Variants in RERE observed in about 807,000 individuals in gnomAD.
RERE encodes arginine-glutamic acid dipeptide repeats protein.
In RERE, 40 loss-of-function variants were observed where a neutral mutation model predicts 146.1. The observed-to-expected ratio is 0.27, with a 90% CI of 0.21 to 0.36. The LOEUF is 0.36. Ranked by LOEUF, RERE falls within the 10% of genes least tolerant of loss-of-function variation. The pLI is 1.00. For synonymous variants in RERE, 1,003 were observed against 866.0 expected (o/e 1.16, Z -2.78); for missense variants, 1,933 against 2,138.7 (o/e 0.90, Z 1.90).
intron 1 of RERE, among the ~76,000 whole-genome samples, chr1:8,704,315 G>C (rs1639517161): frequency 6.6e-6 from 1 of 152,094 alleles, no homozygotes; most frequent in Non-Finnish European, 1.5e-5. Context: ...CATTGTATAG[G>C]AATTTTTTAA....
intron 12 of RERE, among the ~76,000 whole-genome samples, chr1:8,415,439 TA>T (rs1191530371): frequency 6.6e-6 from 1 of 152,202 alleles, no homozygotes; most frequent in Non-Finnish European, 1.5e-5. Flanking sequence ...AATAACACTT[TA>T]AAAGCCCCAA....
chr1:8,599,195 T>C (rs1481096792), intron 4 of RERE, among the ~76,000 whole-genome samples: 3 of 152,194 alleles, frequency 2.0e-5, no homozygotes, highest in Non-Finnish European at 4.4e-5. Context: ...TTTTGGTCAC[T>C]GAGGTTCACG....
intron 1 of RERE, among the ~76,000 whole-genome samples, chr1:8,744,333 G>A (rs1640376463): frequency 6.6e-6 from 1 of 152,160 alleles, no homozygotes; most frequent in African/African-American, 2.4e-5. Context: ...TCCATATGTG[G>A]GTAGTAACGA....
intron 11 of RERE, among the ~76,000 whole-genome samples, chr1:8,444,992 T>C (rs1644299584): frequency 6.6e-6 from 1 of 150,884 alleles, no homozygotes; most frequent in Non-Finnish European, 1.5e-5. Flanking sequence ...TTTAAAAGAG[T>C]GAGGGGACAA....
intron 12 of RERE, among the ~76,000 whole-genome samples, chr1:8,406,773 T>C (rs936717674): frequency 2.0e-5 from 3 of 149,548 alleles, no homozygotes; most frequent in African/African-American, 7.4e-5. Context: ...GTTGAGAATT[T>C]AGAATTCTCT....
At chr1:8,528,060 T>C (rs796926940) in intron 7 of RERE, among the ~76,000 whole-genome samples, 21 of 152,344 alleles carry the variant, frequency 1.4e-4, no homozygotes, top group African/African-American at 4.3e-4. Flanking sequence ...CCAACTCTCC[T>C]ATTTTGTACC....
intron 1 of RERE, among the ~76,000 whole-genome samples, chr1:8,810,523 T>G (rs1641785884): frequency 6.6e-6 from 1 of 152,102 alleles, no homozygotes; most frequent in Non-Finnish European, 1.5e-5. Context: ...GGAGGATCAT[T>G]TGAGCCCGAG....
intron 4 of RERE, among the ~76,000 whole-genome samples, chr1:8,602,482 T>C (rs905022923): frequency 1.4e-5 from 2 of 144,594 alleles, no homozygotes; most frequent in Non-Finnish European, 3.0e-5. Flanking sequence ...TTATAAGTTA[T>C]AGAAGCCCAT....
chr1:8,380,621 A>G, intron 12 of RERE: 1 of 354,128 alleles, frequency 2.8e-6, no homozygotes, highest in Non-Finnish European at 5.6e-6. Context: ...TGCTGGGATT[A>G]CAGGCGTGAG....
intron 10 of RERE, among the ~76,000 whole-genome samples, chr1:8,475,391 T>C (rs1350404808): frequency 1.5e-5 from 2 of 133,420 alleles, no homozygotes; most frequent in African/African-American, 5.7e-5. Context: ...AAAAAAAAAA[T>C]TCTTGGCTGG....
At chr1:8,456,634 T>C (rs1464275806) in intron 11 of RERE, among the ~76,000 whole-genome samples, 1 of 152,180 alleles carries the variant, frequency 6.6e-6, no homozygotes, top group Non-Finnish European at 1.5e-5. Flanking sequence ...AGGTACAAAA[T>C]AGGAGTGAAC....
chr1:8,555,769 A>G (rs1646000052), intron 6 of RERE, among the ~76,000 whole-genome samples: 1 of 152,224 alleles, frequency 6.6e-6, no homozygotes. Context: ...GAGACAGAAA[A>G]TACCCAAAGA....
intron 6 of RERE, among the ~76,000 whole-genome samples, chr1:8,554,901 C>T (rs561582399): frequency 4.1e-4 from 62 of 152,226 alleles, no homozygotes; most frequent in South Asian, 1.7e-3. Flanking sequence ...GATTAAGTCA[C>T]TGGTCCCAGG....
intron 1 of RERE, among the ~76,000 whole-genome samples, chr1:8,791,739 A>G (rs1271259868): frequency 6.6e-6 from 1 of 152,230 alleles, no homozygotes; most frequent in Non-Finnish European, 1.5e-5. Flanking sequence ...AACTAAACAC[A>G]TAGCTCCTGG....
intron 1 of RERE, among the ~76,000 whole-genome samples, chr1:8,742,473 C>T (rs1390920231): frequency 1.3e-5 from 2 of 152,084 alleles, no homozygotes; most frequent in African/African-American, 4.8e-5. Context: ...CACTCAATGG[C>T]CAAGGGAAAT....
chr1:8,528,795 G>A (rs1417871744), intron 7 of RERE, among the ~76,000 whole-genome samples: 1 of 152,116 alleles, frequency 6.6e-6, no homozygotes, highest in Non-Finnish European at 1.5e-5. Context: ...CTGTACCACA[G>A]AGAGAGTCAG....
At chr1:8,546,861 A>AC (rs1474102716) in intron 6 of RERE, among the ~76,000 whole-genome samples, 2 of 150,618 alleles carry the variant, frequency 1.3e-5, no homozygotes, top group African/African-American at 5.0e-5. Flanking sequence ...AACAAAAAAA[A>AC]AAAACAAAAA....
intron 12 of RERE, among the ~76,000 whole-genome samples, chr1:8,415,651 C>CA (rs112592455): frequency 0.023 from 3,552 of 152,242 alleles, 137 homozygotes; most frequent in African/African-American, 0.081. Flanking sequence ...ACACCAGCAC[C>CA]AAAAGTCTCT....
At chr1:8,515,180 G>A (rs1645397353) in intron 7 of RERE, among the ~76,000 whole-genome samples, 1 of 152,108 alleles carries the variant, frequency 6.6e-6, no homozygotes, top group Non-Finnish European at 1.5e-5. Flanking sequence ...AGACCAGCCT[G>A]GGCAACAGGC....
Sources: allele counts gnomAD v4.1 joint callset (sites outside exome capture counted in the v4.1 genomes callset), GRCh38; gene constraint gnomAD v4.1.1; transcripts MANE v1.5; gene names NCBI Gene and HGNC (gene_info 2026-07-23, HGNC 2026-07-21).